Variants in PLXNA4 observed in about 807,000 individuals in gnomAD.
PLXNA4 encodes the protein plexin-A4.
Under a neutral mutation model 191.8 loss-of-function variants are expected in PLXNA4, and 44 were observed. The ratio of observed to expected loss-of-function variants is 0.23; its 90% confidence interval spans 0.18 to 0.29. The LOEUF is 0.29. PLXNA4 is among the 10% of genes least tolerant of loss of function. PLXNA4 has a pLI of 1.00. For synonymous variants in PLXNA4, 1,082 were observed against 1,009.5 expected, an observed-to-expected ratio of 1.07 and a Z score of -1.36; for missense variants, 1,800 against 2,488.8, an observed-to-expected ratio of 0.72 and a Z score of 5.89.
chr7:132,184,676 C>A (rs1351692928), intron 16 of PLXNA4, among the ~76,000 whole-genome samples: 1 of 152,154 alleles, frequency 6.6e-6, no homozygotes, highest in Non-Finnish European at 1.5e-5. Flanking sequence ...CTTTCTATAC[C>A]AACATTCAAT....
chr7:132,148,121 C>G (rs1795489381), intron 26 of PLXNA4, 122 bp from the exon 27 acceptor site: 16 of 1,428,448 alleles, frequency 1.1e-5, no homozygotes, highest in Non-Finnish European at 1.2e-5. Flanking sequence ...AACTAGGGGA[C>G]TTTGGAGGCT....
chr7:132,477,068 C>T (rs1381454080), intron 3 of PLXNA4, among the ~76,000 whole-genome samples: 1 of 152,074 alleles, frequency 6.6e-6, no homozygotes, highest in East Asian at 1.9e-4. Flanking sequence ...ACATCTTCTC[C>T]AATACTAAGC....
chr7:132,368,891 A>G (rs4728256), intron 3 of PLXNA4, among the ~76,000 whole-genome samples: 60,197 of 152,160 alleles, frequency 0.4, 15,196 homozygotes, highest in African/African-American at 0.7. Flanking sequence ...CATCTGCAGC[A>G]GGTGTCTGCA....
intron 3 of PLXNA4, among the ~76,000 whole-genome samples, chr7:132,399,953 T>C (rs977608434): frequency 6.6e-6 from 1 of 152,138 alleles, no homozygotes; most frequent in Non-Finnish European, 1.5e-5. Context: ...TTCATGGGCA[T>C]GAAAGGGGAG....
chr7:132,613,853 A>G (rs1268305294), intron 2 of PLXNA4, among the ~76,000 whole-genome samples: 1 of 152,244 alleles, frequency 6.6e-6, no homozygotes, highest in Non-Finnish European at 1.5e-5. Flanking sequence ...CCAGGAAAAA[A>G]AAGTAAAAGA....
chr7:132,471,406 G>A (rs1015699475), intron 3 of PLXNA4, among the ~76,000 whole-genome samples: 2 of 152,156 alleles, frequency 1.3e-5, no homozygotes. Flanking sequence ...AACAGCATTA[G>A]GAATGGAATA....
chr7:132,620,127 G>T (rs1247826371), intron 2 of PLXNA4, among the ~76,000 whole-genome samples: 1 of 152,080 alleles, frequency 6.6e-6, no homozygotes, highest in East Asian at 1.9e-4. Context: ...GCTCTTTTTT[G>T]ATGGTACCAT....
intron 3 of PLXNA4, among the ~76,000 whole-genome samples, chr7:132,316,387 G>T (rs779229271): frequency 6.6e-6 from 1 of 152,122 alleles, no homozygotes; most frequent in Non-Finnish European, 1.5e-5. Context: ...TGACTTAAAC[G>T]CATGGAAAAT....
intron 4 of PLXNA4, among the ~76,000 whole-genome samples, chr7:132,245,308 C>A (rs1339155896): frequency 6.6e-6 from 1 of 152,076 alleles, no homozygotes; most frequent in Non-Finnish European, 1.5e-5. Context: ...GAGGTCTGTC[C>A]CCTGGCCACC....
intron 4 of PLXNA4, among the ~76,000 whole-genome samples, chr7:132,252,669 A>T (rs1799297183): frequency 6.6e-6 from 1 of 152,164 alleles, no homozygotes; most frequent in Non-Finnish European, 1.5e-5. Flanking sequence ...TTTGAGGAGT[A>T]ATTTGGCAGT....
chr7:132,600,452 C>T (rs1229119715), intron 2 of PLXNA4, among the ~76,000 whole-genome samples: 1 of 152,200 alleles, frequency 6.6e-6, no homozygotes, highest in Non-Finnish European at 1.5e-5. Context: ...CTGCCTCAAT[C>T]TCTTGGGCTC....
At chr7:132,577,521 G>C (rs947415303), upstream of PLXNA4, among the ~76,000 whole-genome samples, 1 of 151,640 alleles carries the variant, frequency 6.6e-6, no homozygotes, top group Non-Finnish European at 1.5e-5. Flanking sequence ...GAGGGAGAGC[G>C]GCCGGCAGAG....
intron 1 of PLXNA4, among the ~76,000 whole-genome samples, chr7:132,555,157 A>T (rs554753101): frequency 6.6e-6 from 1 of 152,270 alleles, no homozygotes; most frequent in African/African-American, 2.4e-5. Flanking sequence ...TTACATGTGG[A>T]TGGCTGATCT....
chr7:132,309,087 C>T (rs145339833), intron 3 of PLXNA4, among the ~76,000 whole-genome samples: 33 of 152,208 alleles, frequency 2.2e-4, no homozygotes, highest in Middle Eastern at 3.4e-3. Flanking sequence ...ATGAATTGTA[C>T]AGAACAAAAT....
intron 2 of PLXNA4, among the ~76,000 whole-genome samples, chr7:132,502,154 G>A (rs112679239): frequency 6.6e-6 from 1 of 152,182 alleles, no homozygotes; most frequent in Non-Finnish European, 1.5e-5. Context: ...CACTTTCGTG[G>A]AGTTTCAGGA....
rs1033068697 is a variant in PLXNA4 at position 132,128,975 on chromosome 7, C to T, written c.*1504G>A. 3 of 152,268 alleles carry T rather than the reference C, an allele frequency of 2.0e-5. No individual in the cohort carries two copies. Among genetic ancestry groups the T allele is most frequent in the Non-Finnish European group, 2.9e-5 (2 of 68,064 alleles). 9.4% of individuals were successfully genotyped at this position (152,268 alleles called of 1,614,324 possible). A position where few individuals can be genotyped will look rare whatever the true frequency, so the allele number is the denominator to read the frequency against. The stretch of plus-strand genomic sequence containing the variant: ...TTCCTAGAACCCTCCATTAGACCAT[C>T]TCTCCCCATAGCCTCTGCTTACCTA... On this transcript the variant is annotated 3_prime_UTR_variant, in exon 32 of 32. Coordinates refer to ENST00000321063, the MANE Select transcript of PLXNA4 (RefSeq NM_020911.2).
intron 1 of PLXNA4, among the ~76,000 whole-genome samples, chr7:132,509,336 C>T (rs1798616613): frequency 6.6e-6 from 1 of 152,184 alleles, no homozygotes; most frequent in African/African-American, 2.4e-5. Flanking sequence ...GTAACAGAGA[C>T]CTCACTATTA....
intron 28 of PLXNA4, 42 bp from the exon 29 acceptor site, chr7:132,145,330 A>G: frequency 6.2e-7 from 1 of 1,608,810 alleles, no homozygotes; most frequent in Non-Finnish European, 8.5e-7. Flanking sequence ...CGACTCACGT[A>G]GTTCTGAGGA....
intron 1 of PLXNA4, among the ~76,000 whole-genome samples, chr7:132,514,705 C>G (rs1798870515): frequency 6.6e-6 from 1 of 152,082 alleles, no homozygotes; most frequent in African/African-American, 2.4e-5. Context: ...TGGCTCTTCT[C>G]TAAGTCTCCC....
Sources: gnomAD v4.1 joint callset for allele counts (sites outside exome capture counted in the v4.1 genomes callset) on GRCh38, gnomAD v4.1.1 for gene constraint, MANE v1.5 for transcripts, NCBI Gene and HGNC (gene_info 2026-07-23, HGNC 2026-07-21) for gene names.